Variants in WWC2 observed in about 807,000 individuals in gnomAD.
The protein encoded by WWC2 is protein WWC2.
A neutral mutation model predicts 138.5 loss-of-function variants in WWC2; 101 were observed. The ratio of observed to expected loss-of-function variants is 0.73; its 90% CI spans 0.62 to 0.86. WWC2 has a LOEUF of 0.86. Ranked by LOEUF, WWC2 falls within the 40% of genes least tolerant of loss-of-function variation. The pLI is 0.00. For missense variants in WWC2, 1,420 were observed against 1,419.4 expected (o/e 1.00, Z -0.01); for synonymous variants, 558 against 538.4 (o/e 1.04, Z -0.50).
In WWC2 at chr4:183,303,668, T is replaced by C. The variant is rs57709470; in HGVS notation, c.3385-8673T>C. The stretch of plus-strand genomic sequence containing the variant: ...AATTGTCTTTCTATTTAATACTTAA[T>C]GATAAATAAACATAAATTTGGATTT... On this transcript the variant is annotated intron_variant, in intron 21 of 22. Coordinates refer to ENST00000403733, the MANE Select transcript of WWC2 (RefSeq NM_024949.6). Among the ~76,000 whole-genome samples, 609 of 152,344 alleles carry C rather than the reference T, an allele frequency of 4.0e-3. 2 individuals carry two copies. Among genetic ancestry groups the C allele is most frequent in the African/African-American group, 0.014 (575 of 41,576 alleles).
intron 4 of WWC2, among the ~76,000 whole-genome samples, chr4:183,227,925 G>C (rs1736118379): frequency 6.6e-6 from 1 of 151,850 alleles, no homozygotes; most frequent in African/African-American, 2.4e-5. Context: ...AAAATACAGG[G>C]CAAATGAGTC....
At chr4:183,124,995 C>T (rs1228351025) in intron 1 of WWC2, among the ~76,000 whole-genome samples, 1 of 152,110 alleles carries the variant, frequency 6.6e-6, no homozygotes, top group Non-Finnish European at 1.5e-5. Context: ...GTCCCAAGAG[C>T]AGGAAGCATT....
intron 11 of WWC2, among the ~76,000 whole-genome samples, chr4:183,261,914 A>T (rs1737342257): frequency 6.6e-6 from 1 of 152,218 alleles, no homozygotes; most frequent in African/African-American, 2.4e-5. Flanking sequence ...AAGGCAATTA[A>T]CATAGTAGCT....
chr4:183,166,889 A>G (rs1271815320), intron 1 of WWC2, among the ~76,000 whole-genome samples: 1 of 152,178 alleles, frequency 6.6e-6, no homozygotes, highest in East Asian at 1.9e-4. Context: ...CTAAGTTGAA[A>G]CAATGCTCTT....
chr4:183,265,610 T>G, intron 12 of WWC2, 78 bp from the exon 13 acceptor site: 1 of 1,415,276 alleles, frequency 7.1e-7, no homozygotes, highest in Non-Finnish European at 9.8e-7. Flanking sequence ...TCATTCAGAA[T>G]CACTAAGTGG....
At chr4:183,290,226 A>T (rs931950446) in intron 21 of WWC2, among the ~76,000 whole-genome samples, 1 of 152,164 alleles carries the variant, frequency 6.6e-6, no homozygotes, top group Non-Finnish European at 1.5e-5. Flanking sequence ...TAAAAAATAG[A>T]GTATTTTTGG....
At chr4:183,126,072 C>G (rs1275918725) in intron 1 of WWC2, among the ~76,000 whole-genome samples, 1 of 152,164 alleles carries the variant, frequency 6.6e-6, no homozygotes, top group Non-Finnish European at 1.5e-5. Context: ...GCCTTAGGAC[C>G]CTGGCTCGCC....
chr4:183,212,112 C>T lies in WWC2; in HGVS notation c.522+3087C>T, dbSNP rs538396789. Among the ~76,000 whole-genome samples the T allele has an allele frequency of 1.9e-3, 296 of 152,290 alleles. 2 individuals are homozygous for T. The highest frequency in any genetic ancestry group is 6.6e-3 in the African/African-American group (276 of 41,558). ...CTGGGATTACAGGTGTAAGCCACGGCGCCCGGCCTCTTTTGGATCTTTAAC... is the reference window on the plus strand; with the variant it reads ...CTGGGATTACAGGTGTAAGCCACGGTGCCCGGCCTCTTTTGGATCTTTAAC... On this transcript the variant is annotated intron_variant, in intron 4 of 22. Transcript: ENST00000403733.
At chr4:183,192,163 G>A (rs1735009112) in intron 1 of WWC2, among the ~76,000 whole-genome samples, 1 of 152,224 alleles carries the variant, frequency 6.6e-6, no homozygotes, top group South Asian at 2.1e-4. Flanking sequence ...ATGTGCTTGT[G>A]TTAATAATCA....
At chr4:183,120,114 A>G (rs1432099742) in intron 1 of WWC2, among the ~76,000 whole-genome samples, 1 of 152,230 alleles carries the variant, frequency 6.6e-6, no homozygotes, top group African/African-American at 2.4e-5. Flanking sequence ...TTGCTACTTT[A>G]TGATTAAGTT....
intron 2 of WWC2, among the ~76,000 whole-genome samples, chr4:183,204,666 T>C (rs1735394302): frequency 6.6e-6 from 1 of 152,220 alleles, no homozygotes; most frequent in Non-Finnish European, 1.5e-5. Context: ...CACTATACAA[T>C]TCATGAGTTT....
intron 1 of WWC2, among the ~76,000 whole-genome samples, chr4:183,136,813 C>T (rs1387935427): frequency 6.6e-6 from 1 of 151,920 alleles, no homozygotes; most frequent in East Asian, 1.9e-4. Flanking sequence ...CCAGTGTGGC[C>T]CAGGGAAACC....
At chr4:183,111,844 G>A (rs901057820) in intron 1 of WWC2, among the ~76,000 whole-genome samples, 4 of 151,642 alleles carry the variant, frequency 2.6e-5, no homozygotes, top group African/African-American at 7.3e-5. Context: ...ACAGGGGTGC[G>A]GCACAACACC....
intron 1 of WWC2, among the ~76,000 whole-genome samples, chr4:183,192,253 CTAGT>C (rs1337674409): frequency 6.6e-6 from 1 of 152,180 alleles, no homozygotes; most frequent in Admixed American, 6.5e-5. Flanking sequence ...ATTTTAGGAG[CTAGT>C]TAAATTGCAG....
At chr4:183,149,736 T>G (rs1733586791) in intron 1 of WWC2, among the ~76,000 whole-genome samples, 1 of 151,578 alleles carries the variant, frequency 6.6e-6, no homozygotes, top group Admixed American at 6.6e-5. Context: ...AAATTGATAG[T>G]GGATCTAGAG....
At chr4:183,177,375 ATTGGTC>A (rs1306557047) in intron 1 of WWC2, among the ~76,000 whole-genome samples, 3 of 152,210 alleles carry the variant, frequency 2.0e-5, no homozygotes, top group Non-Finnish European at 4.4e-5. Context: ...AAAAATTCAA[ATTGGTC>A]TTGGTGAAAT....
Position 183,103,420 on chromosome 4 carries a change from G to A in WWC2, c.131+3798G>A, listed in dbSNP as rs116781719. On this transcript the variant is annotated intron_variant, in intron 1 of 22. Transcript: ENST00000403733. Reference sequence around the variant, plus strand: ...GTGATCTCGGCTTACTGCGGCTCCCGGGTTCAAGCGATTCTCCTGTCTCAG... The same window carrying A: ...GTGATCTCGGCTTACTGCGGCTCCCAGGTTCAAGCGATTCTCCTGTCTCAG... 6.3e-3 allele frequency among the ~76,000 whole-genome samples: 940 copies of A among 149,238 alleles called. 16 individuals are homozygous for A. The highest frequency in any genetic ancestry group is 0.043 in the South Asian group (201 of 4,658).
intron 4 of WWC2, among the ~76,000 whole-genome samples, chr4:183,211,827 A>ATT (rs777315496): frequency 5.2e-4 from 73 of 140,708 alleles, no homozygotes; most frequent in African/African-American, 1.8e-3. Flanking sequence ...TATCTTTTGG[A>ATT]TTTTTTTTTT....
At chr4:183,100,058 C>T (rs1486747135) in intron 1 of WWC2, among the ~76,000 whole-genome samples, 2 of 152,258 alleles carry the variant, frequency 1.3e-5, no homozygotes, top group Non-Finnish European at 2.9e-5. Context: ...CTCAGGCCGT[C>T]CTTGGCGCGG....
Sources: allele counts gnomAD v4.1 joint callset (sites outside exome capture counted in the v4.1 genomes callset), GRCh38; gene constraint gnomAD v4.1.1; transcripts MANE v1.5; gene names NCBI Gene and HGNC (gene_info 2026-07-23, HGNC 2026-07-21).